Variants in DRC11 observed in about 807,000 individuals in gnomAD.
DRC11 encodes dynein regulatory complex subunit 11.
chr2:236,405,305 C>T, the DRC11 span, among the ~76,000 whole-genome samples: 1 of 151,818 alleles, frequency 6.6e-6, no homozygotes, highest in East Asian at 1.9e-4. This position sits in a 1 kb window ranked among gnomAD's most constrained non-coding sequence, Gnocchi z 4.6. Context: ...ACCTGCAGAC[C>T]GACCTCAGAG....
At chr2:236,355,703 G>T in the DRC11 span, among the ~76,000 whole-genome samples, 3 of 151,180 alleles carry the variant, frequency 2.0e-5, no homozygotes, top group Non-Finnish European at 4.4e-5. Flanking sequence ...ACTAACATAT[G>T]TATTACACTA....
the DRC11 span, among the ~76,000 whole-genome samples, chr2:236,423,934 C>T: frequency 2.4e-4 from 36 of 151,622 alleles, no homozygotes; most frequent in South Asian, 2.9e-3. Context: ...CATCATTCTG[C>T]GCAAACTATC....
chr2:236,347,722 G>C, the DRC11 span, among the ~76,000 whole-genome samples: 2 of 151,892 alleles, frequency 1.3e-5, no homozygotes, highest in East Asian at 3.9e-4. Flanking sequence ...TGGGAGGGGG[G>C]TGAGGGATGA....
At chr2:236,457,228 A>G in the DRC11 span, among the ~76,000 whole-genome samples, 1 of 152,244 alleles carries the variant, frequency 6.6e-6, no homozygotes, top group African/African-American at 2.4e-5. This position sits in a 1 kb window ranked among gnomAD's most constrained non-coding sequence, Gnocchi z 4.7. Flanking sequence ...ACAAGGGGCC[A>G]TCTAAGCTTA....
At chr2:236,405,122 A>G in the DRC11 span, among the ~76,000 whole-genome samples, 4 of 152,196 alleles carry the variant, frequency 2.6e-5, no homozygotes, top group Non-Finnish European at 4.4e-5. This position sits in a 1 kb window ranked among gnomAD's most constrained non-coding sequence, Gnocchi z 4.6. Flanking sequence ...GAACACAAAA[A>G]TTCAGACCAT....
At chr2:236,403,201 A>G in the DRC11 span, among the ~76,000 whole-genome samples, 1 of 151,992 alleles carries the variant, frequency 6.6e-6, no homozygotes, top group Non-Finnish European at 1.5e-5. Flanking sequence ...AAGGAACAGC[A>G]TGTGTGAAGT....
the DRC11 span, among the ~76,000 whole-genome samples, chr2:236,358,334 GAT>G: frequency 2.4e-5 from 3 of 126,836 alleles, no homozygotes; most frequent in African/African-American, 6.6e-5. Context: ...GAATATATAT[GAT>G]ATATAGATAT....
the DRC11 span, among the ~76,000 whole-genome samples, chr2:236,446,756 G>A: frequency 6.6e-6 from 1 of 152,204 alleles, no homozygotes; most frequent in South Asian, 2.1e-4. The surrounding 1 kb of genome is among the most constrained non-coding windows in gnomAD (Gnocchi z 6.2). Flanking sequence ...CTGGGCTCCA[G>A]GCCCTGGACA....
At chr2:236,310,539 C>G in the DRC11 span, among the ~76,000 whole-genome samples, 1 of 152,218 alleles carries the variant, frequency 6.6e-6, no homozygotes, top group Non-Finnish European at 1.5e-5. This position sits in a 1 kb window ranked among gnomAD's most constrained non-coding sequence, Gnocchi z 5.5. Flanking sequence ...AATAAAGACT[C>G]TCTGCATAGA....
chr2:236,482,370 C>T, the DRC11 span, among the ~76,000 whole-genome samples: 5 of 152,060 alleles, frequency 3.3e-5, no homozygotes, highest in South Asian at 2.1e-4. This position sits in a 1 kb window ranked among gnomAD's most constrained non-coding sequence, Gnocchi z 4.5. Flanking sequence ...CTTCTATGCA[C>T]ACACATCTCT....
At chr2:236,383,880 G>T in the DRC11 span, among the ~76,000 whole-genome samples, 4,458 of 144,634 alleles carry the variant, frequency 0.031, 217 homozygotes, top group African/African-American at 0.11. Flanking sequence ...TGATCTCATT[G>T]TTCAATTCCC....
At chr2:236,440,158 T>C in the DRC11 span, among the ~76,000 whole-genome samples, 1 of 152,210 alleles carries the variant, frequency 6.6e-6, no homozygotes, top group East Asian at 1.9e-4. Context: ...AGCTTGTAAA[T>C]GGTGAACCAG....
At chr2:236,436,337 G>T in the DRC11 span, among the ~76,000 whole-genome samples, 2 of 151,322 alleles carry the variant, frequency 1.3e-5, no homozygotes, top group African/African-American at 2.4e-5. Context: ...ATTTTTTTTG[G>T]CCATTTTGCT....
chr2:236,439,201 C>T, the DRC11 span, among the ~76,000 whole-genome samples: 1 of 150,900 alleles, frequency 6.6e-6, no homozygotes, highest in East Asian at 1.9e-4. Context: ...TAGCAGAAGG[C>T]AAGAAATAAC....
chr2:236,366,747 G>A, the DRC11 span, among the ~76,000 whole-genome samples: 4 of 130,240 alleles, frequency 3.1e-5, no homozygotes, highest in African/African-American at 5.5e-5. Context: ...GTTGGCTCTT[G>A]GTTCTTTCTT....
At chr2:236,494,795 G>T in the DRC11 span, among the ~76,000 whole-genome samples, 17 of 152,100 alleles carry the variant, frequency 1.1e-4, no homozygotes, top group African/African-American at 3.9e-4. This position sits in a 1 kb window ranked among gnomAD's most constrained non-coding sequence, Gnocchi z 4.2. Flanking sequence ...ATGACTTCTG[G>T]GAGGTGACAA....
the DRC11 span, among the ~76,000 whole-genome samples, chr2:236,354,260 TGTGTGC>T: frequency 1.2e-3 from 187 of 151,034 alleles, 4 homozygotes; most frequent in East Asian, 0.028. Flanking sequence ...AGTGTGCACA[TGTGTGC>T]GTGTGTGTGT....
the DRC11 span, chr2:236,399,526 G>C: frequency 3.2e-6 from 5 of 1,543,710 alleles, no homozygotes; most frequent in Non-Finnish European, 4.5e-6. The surrounding 1 kb of genome is among the most constrained non-coding windows in gnomAD (Gnocchi z 7.0). Context: ...TCTCAGGCAA[G>C]ACCGGGCAGC....
At chr2:236,438,226 C>T in the DRC11 span, among the ~76,000 whole-genome samples, 1 of 138,778 alleles carries the variant, frequency 7.2e-6, no homozygotes, top group African/African-American at 2.7e-5. Flanking sequence ...TTGTTTTTCT[C>T]AGGTTTGTCA....
Sources: allele counts gnomAD v4.1 joint callset (sites outside exome capture counted in the v4.1 genomes callset), GRCh38; gene constraint gnomAD v4.1.1; non-coding constraint Gnocchi (gnomAD v3.1); transcripts MANE v1.5; gene names NCBI Gene and HGNC (gene_info 2026-07-23, HGNC 2026-07-21).